DZIP3: variants seen among roughly 807,000 people sequenced by gnomAD.
The protein encoded by DZIP3 is E3 ubiquitin-protein ligase DZIP3.
DZIP3 carries 118 observed loss-of-function variants against 162.0 expected under a neutral mutation model. That is an observed-to-expected ratio of 0.73 (90% CI 0.63 to 0.85). The LOEUF (loss-of-function observed/expected upper bound fraction) is 0.85, where lower values mean the gene tolerates loss of function less well. DZIP3 is among the 40% of genes least tolerant of loss of function. The pLI is 0.00. For synonymous variants in DZIP3, 438 were observed against 458.6 expected (o/e 0.96, Z 0.57); for missense variants, 1,331 against 1,407.0 (o/e 0.95, Z 0.86).
chr3:108,686,297 TACAA>T (rs892781481), intron 27 of DZIP3, 144 bp from the exon 28 acceptor site: 57 of 753,992 alleles, frequency 7.6e-5, no homozygotes, highest in East Asian at 5.9e-4. Flanking sequence ...TTAAAATAGT[TACAA>T]ACAATTAGAA....
chr3:108,636,815 T>C, intron 11 of DZIP3, 107 bp downstream of exon 11: 1 of 768,310 alleles, frequency 1.3e-6, no homozygotes, highest in Admixed American at 2.8e-5. Context: ...ATTCCAGCCA[T>C]ATTGCCTTTA....
intron 19 of DZIP3, among the ~76,000 whole-genome samples, chr3:108,655,217 T>C (rs961961806): frequency 1.3e-5 from 2 of 152,198 alleles, no homozygotes; most frequent in Non-Finnish European, 2.9e-5. Flanking sequence ...ATTTATCACC[T>C]GCATATTGTG....
At chr3:108,641,578 AC>A in intron 12 of DZIP3, among the ~76,000 whole-genome samples, 1 of 152,318 alleles carries the variant, frequency 6.6e-6, no homozygotes, top group Non-Finnish European at 1.5e-5. Context: ...TTGCTAGGCC[AC>A]CTGTGTATAT....
In DZIP3 at chr3:108,669,963, A is replaced by G. The variant is rs41267023; in HGVS notation, c.2492+214A>G. ...ATGGTCACTTTAGCTCTGACTCTAGAAAACTGCTAGAAGAATCTGTATCAG... is the reference window on the plus strand; with the variant it reads ...ATGGTCACTTTAGCTCTGACTCTAGGAAACTGCTAGAAGAATCTGTATCAG... On this transcript the variant is annotated intron_variant, in intron 22 of 32. Transcript: ENST00000361582. 5.2e-3 allele frequency among the ~76,000 whole-genome samples: 792 copies of G among 152,020 alleles called. 2 individuals are homozygous for G. The highest frequency in any genetic ancestry group is 7.4e-3 in the Non-Finnish European group (504 of 67,874).
intron 1 of DZIP3, among the ~76,000 whole-genome samples, chr3:108,596,531 A>G (rs1939723204): frequency 6.6e-6 from 1 of 152,196 alleles, no homozygotes; most frequent in African/African-American, 2.4e-5. Flanking sequence ...GCAAGAAGAC[A>G]CAGGTTCTGT....
rs150143242 is a variant in DZIP3, at chr3:108,611,300, C to G, written c.229C>G (p.Gln77Glu). 15 of 1,611,342 alleles carry G rather than the reference C, an allele frequency of 9.3e-6. No homozygotes were observed. The highest frequency in any genetic ancestry group is 1.2e-5 in the Non-Finnish European group (14 of 1,179,174). The stretch of plus-strand genomic sequence containing the variant: ...GGTTCCTCACATTAAGAAGTTCTTA[C>G]AAGAAGATTTTTCCTTCCAAACTAT... ...GVVPHIKKFL[Q>E]EDFSFQTMQR... Residue 77 changes from glutamine to glutamate, a missense_variant, in exon 4 of 33, where the codon CAA becomes GAA. Physicochemically the swap from Gln to Glu is conservative, Grantham distance 29. Around this residue, in one of 2 missense-constraint regions of DZIP3, gnomAD observed 1,278 missense variants for 1,317.1 expected, o/e 0.97. Coordinates refer to ENST00000361582, the MANE Select transcript of DZIP3 (RefSeq NM_014648.4).
chr3:108,613,197 C>A (rs542732989), intron 4 of DZIP3, among the ~76,000 whole-genome samples: 1 of 152,094 alleles, frequency 6.6e-6, no homozygotes, highest in African/African-American at 2.4e-5. Context: ...TTAAAGCAGT[C>A]AATTTTCTAT....
At chr3:108,633,136 AAAAT>A in intron 9 of DZIP3, 64 bp downstream of exon 9, 1 of 727,168 alleles carries the variant, frequency 1.4e-6, no homozygotes, top group South Asian at 6.0e-5. Context: ...ATAACTATAT[AAAAT>A]AATAAAAATT....
intron 1 of DZIP3, among the ~76,000 whole-genome samples, chr3:108,604,291 C>T (rs1446834593): frequency 6.6e-6 from 1 of 152,174 alleles, no homozygotes; most frequent in Non-Finnish European, 1.5e-5. Context: ...AGCCTACGTC[C>T]ATTTTATTTA....
intron 26 of DZIP3, 49 bp downstream of exon 26, chr3:108,677,647 T>C (rs1462272503): frequency 4.6e-6 from 7 of 1,506,274 alleles, no homozygotes; most frequent in Non-Finnish European, 5.5e-6. Context: ...TTTGACAAAA[T>C]GGTAAGGGCT....
At chr3:108,639,832 T>A (rs1942310956) in intron 12 of DZIP3, among the ~76,000 whole-genome samples, 1 of 151,912 alleles carries the variant, frequency 6.6e-6, no homozygotes, top group Non-Finnish European at 1.5e-5. Flanking sequence ...GCTTTAGGTT[T>A]AATTTGCTTT....
chr3:108,631,206 A>G (rs1941872550), intron 8 of DZIP3, among the ~76,000 whole-genome samples: 1 of 151,322 alleles, frequency 6.6e-6, no homozygotes, highest in Non-Finnish European at 1.5e-5. Context: ...GTTTCTCAGA[A>G]CTCAAGTTTT....
intron 1 of DZIP3, among the ~76,000 whole-genome samples, chr3:108,600,262 A>G (rs1241153568): frequency 2.0e-5 from 3 of 152,188 alleles, no homozygotes; most frequent in Admixed American, 6.5e-5. Context: ...TGAGTTAGGA[A>G]ATCCAGCTTT....
At chr3:108,668,355 A>C (rs747865167) in intron 21 of DZIP3, among the ~76,000 whole-genome samples, 8 of 152,054 alleles carry the variant, frequency 5.3e-5, no homozygotes, top group Non-Finnish European at 1.0e-4. Flanking sequence ...ATTAAACATG[A>C]GAAAAAGACT....
At chr3:108,611,977 G>A (rs1332536084) in intron 4 of DZIP3, among the ~76,000 whole-genome samples, 1 of 138,964 alleles carries the variant, frequency 7.2e-6, no homozygotes, top group Non-Finnish European at 1.6e-5. Flanking sequence ...AAAAAAAAAA[G>A]TTGACACATT....
At chr3:108,667,345 A>C (rs112254345) in intron 21 of DZIP3, among the ~76,000 whole-genome samples, 2,298 of 152,272 alleles carry the variant, frequency 0.015, 71 homozygotes, top group African/African-American at 0.052. Flanking sequence ...AATACTACAA[A>C]CACTGCAGAC....
chr3:108,600,555 A>C (rs1939950357), intron 1 of DZIP3, among the ~76,000 whole-genome samples: 1 of 152,166 alleles, frequency 6.6e-6, no homozygotes, highest in African/African-American at 2.4e-5. Context: ...ATAATTTTTT[A>C]TCCCACTTCT....
Position 108,629,977 on chromosome 3 carries a change from T to C in DZIP3, c.696+801T>C, listed in dbSNP as rs557973140. The stretch of plus-strand genomic sequence containing the variant: ...TTTTTCCTTCTTATATAAAGTGATC[T>C]TTGCATATTTCTCACGTCATTTCAT... On this transcript the variant is annotated intron_variant, in intron 8 of 32. Coordinates refer to ENST00000361582, the MANE Select transcript of DZIP3 (RefSeq NM_014648.4). Among the ~76,000 whole-genome samples the C allele has an allele frequency of 2.1e-3, 325 of 152,188 alleles. 2 individuals are homozygous for C. The highest frequency in any genetic ancestry group is 6.8e-3 in the Middle Eastern group (2 of 294).
chr3:108,672,420 C>T, intron 22 of DZIP3, 140 bp from the exon 23 acceptor site: 1 of 674,250 alleles, frequency 1.5e-6, no homozygotes, highest in Non-Finnish European at 2.6e-6. Flanking sequence ...AATGTATCTT[C>T]TCTTGTTTCT....
Sources: gnomAD v4.1 joint callset for allele counts (sites outside exome capture counted in the v4.1 genomes callset) on GRCh38, gnomAD v4.1.1 for gene constraint, gnomAD v4.1.1 regional missense constraint, MANE v1.5 for transcripts, NCBI Gene and HGNC (gene_info 2026-07-23, HGNC 2026-07-21) for gene names.